RAB8B: variants seen among roughly 807,000 people sequenced by gnomAD.
RAB8B encodes ras-related protein Rab-8B.
In RAB8B, 11 loss-of-function variants were observed where a neutral mutation model predicts 32.0. That is an observed-to-expected ratio of 0.34 (90% CI 0.22 to 0.57). RAB8B has a LOEUF of 0.57. Ranked by LOEUF, RAB8B falls within the 20% of genes least tolerant of loss-of-function variation. The pLI is 0.86. For synonymous variants in RAB8B, 103 were observed against 89.6 expected (o/e 1.15, Z -0.85); for missense variants, 190 against 258.5 (o/e 0.73, Z 1.82).
intron 5 of RAB8B, among the ~76,000 whole-genome samples, chr15:63,258,382 C>T (rs1176344312): frequency 1.3e-5 from 2 of 152,096 alleles, no homozygotes; most frequent in East Asian, 1.9e-4. Flanking sequence ...GGATTACAGG[C>T]GTGAGCCACC....
intron 1 of RAB8B, among the ~76,000 whole-genome samples, chr15:63,240,031 G>A (rs2038019235): frequency 6.6e-6 from 1 of 152,122 alleles, no homozygotes; most frequent in South Asian, 2.1e-4. Flanking sequence ...AGGAGTGCAG[G>A]AAAGGAGGTA....
intron 1 of RAB8B, among the ~76,000 whole-genome samples, chr15:63,242,508 C>T (rs950399122): frequency 2.6e-5 from 4 of 152,054 alleles, no homozygotes; most frequent in African/African-American, 9.7e-5. Context: ...GAAACCCCGT[C>T]TCCACTAAAA....
intron 2 of RAB8B, among the ~76,000 whole-genome samples, chr15:63,247,795 C>T (rs2038083240): frequency 6.6e-6 from 1 of 152,134 alleles, no homozygotes; most frequent in African/African-American, 2.4e-5. Flanking sequence ...GAGAAGGAAA[C>T]AGGGACTGAG....
chr15:63,245,850 G>C (rs1019010697), intron 2 of RAB8B, among the ~76,000 whole-genome samples: 1 of 152,164 alleles, frequency 6.6e-6, no homozygotes, highest in Non-Finnish European at 1.5e-5. Flanking sequence ...ACATGAAGCT[G>C]AATATAACTT....
chr15:63,199,826 C>T (rs1036467982), intron 1 of RAB8B, among the ~76,000 whole-genome samples: 3 of 152,018 alleles, frequency 2.0e-5, no homozygotes, highest in African/African-American at 7.3e-5. Flanking sequence ...AGTGATCTGC[C>T]CGCCTCAACC....
chr15:63,206,030 T>A (rs113870940), intron 1 of RAB8B, among the ~76,000 whole-genome samples: 9 of 152,318 alleles, frequency 5.9e-5, no homozygotes, highest in African/African-American at 2.2e-4. Flanking sequence ...AGGCACACAG[T>A]ATCTGTTTGT....
intron 1 of RAB8B, among the ~76,000 whole-genome samples, chr15:63,242,491 A>T (rs536694986): frequency 1.3e-5 from 2 of 152,238 alleles, no homozygotes; most frequent in African/African-American, 4.8e-5. Context: ...ACCCTGGCCA[A>T]CATGGTGAAA....
At chr15:63,198,382 G>T (rs2037620740) in intron 1 of RAB8B, among the ~76,000 whole-genome samples, 1 of 152,096 alleles carries the variant, frequency 6.6e-6, no homozygotes, top group African/African-American at 2.4e-5. Flanking sequence ...TTTAATTCTT[G>T]ACTCTCAGGG....
At chr15:63,258,188 G>C (rs1053403725) in intron 5 of RAB8B, among the ~76,000 whole-genome samples, 6 of 151,324 alleles carry the variant, frequency 4.0e-5, no homozygotes, top group African/African-American at 1.5e-4. Context: ...TACAACCTCT[G>C]GCTCCCTGGT....
chr15:63,214,590 C>T (rs1043671687), intron 1 of RAB8B, among the ~76,000 whole-genome samples: 2 of 152,144 alleles, frequency 1.3e-5, no homozygotes, highest in Admixed American at 6.5e-5. Context: ...CCATCCACCA[C>T]GGCTTCTCAA....
chr15:63,209,508 T>C lies in RAB8B; in HGVS notation c.124+19760T>C, dbSNP rs548813577. On this transcript the variant is annotated intron_variant, in intron 1 of 7. Transcript: ENST00000321437. ...CGGAAGGCTGAGGCAGGAGAATCGCTTGAACCCGGGAGGCGGAGGTTGCAG... is the reference window on the plus strand; with the variant it reads ...CGGAAGGCTGAGGCAGGAGAATCGCCTGAACCCGGGAGGCGGAGGTTGCAG... Among the ~76,000 whole-genome samples, 8 of 151,976 alleles carry C rather than the reference T, an allele frequency of 5.3e-5. 2 individuals carry two copies. Among genetic ancestry groups the C allele is most frequent in the African/African-American group, 1.9e-4 (8 of 41,430 alleles).
intron 1 of RAB8B, chr15:63,223,089 A>C: frequency 4.4e-6 from 2 of 453,072 alleles, no homozygotes; most frequent in South Asian, 3.1e-5. Context: ...TACCCTATAT[A>C]GGTATACCAT....
intron 1 of RAB8B, among the ~76,000 whole-genome samples, chr15:63,236,883 ACCACTTTC>A (rs757722255): frequency 6.6e-6 from 1 of 152,152 alleles, no homozygotes; most frequent in Non-Finnish European, 1.5e-5. Context: ...ATTAACCATT[ACCACTTTC>A]CCCTACCCCC....
chr15:63,205,323 A>G (rs1406829846), intron 1 of RAB8B, among the ~76,000 whole-genome samples: 1 of 152,098 alleles, frequency 6.6e-6, no homozygotes, highest in Non-Finnish European at 1.5e-5. Context: ...AAACAAATAA[A>G]TAAATAAAAA....
intron 4 of RAB8B, among the ~76,000 whole-genome samples, 170 bp from the exon 5 acceptor site, chr15:63,256,335 A>C (rs2038158641): frequency 6.6e-6 from 1 of 152,160 alleles, no homozygotes; most frequent in South Asian, 2.1e-4. Flanking sequence ...GGGCTCTTGT[A>C]CTGTAGCTTT....
chr15:63,215,376 A>G (rs2037784041), intron 1 of RAB8B, among the ~76,000 whole-genome samples: 1 of 152,236 alleles, frequency 6.6e-6, no homozygotes, highest in Admixed American at 6.5e-5. Context: ...AAGATATTAA[A>G]TGAAAAACTG....
intron 1 of RAB8B, among the ~76,000 whole-genome samples, chr15:63,230,936 T>C (rs772412420): frequency 3.3e-5 from 5 of 152,172 alleles, no homozygotes; most frequent in Non-Finnish European, 7.3e-5. Flanking sequence ...AGTATGACTT[T>C]AGGTTTTTCT....
intron 3 of RAB8B, among the ~76,000 whole-genome samples, chr15:63,251,539 A>G (rs542775823): frequency 1.3e-5 from 2 of 152,356 alleles, no homozygotes; most frequent in African/African-American, 4.8e-5. Flanking sequence ...GGGCATGGAA[A>G]TGTATTAAAT....
chr15:63,253,905 C>G lies in RAB8B; in HGVS notation c.247-1602C>G, dbSNP rs76664534. Among the ~76,000 whole-genome samples the G allele has an allele frequency of 7.2e-3, 1,090 of 152,214 alleles. 8 individuals carry two copies. The highest frequency in any genetic ancestry group is 0.013 in the Non-Finnish European group (877 of 68,000). On this transcript the variant is annotated intron_variant, in intron 3 of 7. Transcript: ENST00000321437. ...TATTACTTTCACCAAAATGGTAATA[C>G]AAGGACAAATAGAAGATTCAGAGGA...
Sources: gnomAD v4.1 joint callset for allele counts (sites outside exome capture counted in the v4.1 genomes callset) on GRCh38, gnomAD v4.1.1 for gene constraint, MANE v1.5 for transcripts, NCBI Gene and HGNC (gene_info 2026-07-23, HGNC 2026-07-21) for gene names.